The following CTNND2 variants were observed in gnomAD, a reference collection of about 807,000 sequenced individuals.
The protein encoded by CTNND2 is catenin delta 2.
In CTNND2, 22 loss-of-function variants were observed where a neutral mutation model predicts 144.4. That is an observed-to-expected ratio of 0.15 (90% CI 0.11 to 0.22). The LOEUF is 0.22. Among genes scored for constraint, CTNND2 ranks in the 10% least tolerant of loss-of-function variants. CTNND2 has a pLI of 1.00. For synonymous variants in CTNND2, 751 were observed against 695.6 expected (o/e 1.08, Z -1.25); for missense variants, 1,353 against 1,618.8 (o/e 0.84, Z 2.82).
At chr5:11,891,318 C>A (rs945355335) in intron 1 of CTNND2, among the ~76,000 whole-genome samples, 2 of 152,140 alleles carry the variant, frequency 1.3e-5, no homozygotes, top group Non-Finnish European at 2.9e-5. Context: ...TTCATATTAT[C>A]CATCAGGAAT....
At chr5:11,405,131 G>A (rs1027836697) in intron 5 of CTNND2, among the ~76,000 whole-genome samples, 2 of 152,010 alleles carry the variant, frequency 1.3e-5, no homozygotes, top group Middle Eastern at 3.2e-3. Context: ...TTTGTGTTCC[G>A]GGAATCTACA....
intron 12 of CTNND2, among the ~76,000 whole-genome samples, chr5:11,124,440 T>C (rs1754459448): frequency 6.6e-6 from 1 of 152,140 alleles, no homozygotes; most frequent in Non-Finnish European, 1.5e-5. Flanking sequence ...ATCATACTTT[T>C]CTCGATTCCA....
chr5:11,628,032 T>G (rs1013682827), intron 2 of CTNND2, among the ~76,000 whole-genome samples: 1 of 151,992 alleles, frequency 6.6e-6, no homozygotes, highest in Non-Finnish European at 1.5e-5. Context: ...TGCGGCCAGG[T>G]ACCTAACAGG....
At chr5:11,555,705 A>T (rs1776174701) in intron 3 of CTNND2, among the ~76,000 whole-genome samples, 1 of 107,562 alleles carries the variant, frequency 9.3e-6, no homozygotes, top group African/African-American at 3.0e-5. Flanking sequence ...GGTTAGAATT[A>T]AAATAAAAAA....
In CTNND2 at chr5:11,223,582, T is replaced by C. The variant is rs55889077; in HGVS notation, c.1761+13109A>G. On this transcript the variant is annotated intron_variant, in intron 10 of 21. Transcript: ENST00000304623. Reference sequence around the variant, plus strand: ...GCCCCTAGAGAGATTAGCTCTTCTATCAAGAGCTGGGCCCTTGAACTTGGT... The same window carrying C: ...GCCCCTAGAGAGATTAGCTCTTCTACCAAGAGCTGGGCCCTTGAACTTGGT... Among the ~76,000 whole-genome samples the C allele has an allele frequency of 3.2e-3, 482 of 152,312 alleles. 4 individuals carry two copies. Among genetic ancestry groups the C allele is most frequent in the African/African-American group, 0.011 (468 of 41,556 alleles).
At chr5:11,806,388 T>C (rs1190341910) in intron 1 of CTNND2, among the ~76,000 whole-genome samples, 2 of 152,154 alleles carry the variant, frequency 1.3e-5, no homozygotes, top group Non-Finnish European at 2.9e-5. Context: ...ATAAAATCAA[T>C]AGTAACTAAC....
intron 9 of CTNND2, among the ~76,000 whole-genome samples, chr5:11,343,309 T>C (rs1223022716): frequency 1.3e-5 from 2 of 152,198 alleles, no homozygotes; most frequent in African/African-American, 4.8e-5. Context: ...AGTATTTGCT[T>C]AAACACTTCT....
intron 11 of CTNND2, among the ~76,000 whole-genome samples, chr5:11,196,250 T>C (rs538256628): frequency 6.6e-6 from 1 of 152,358 alleles, no homozygotes; most frequent in South Asian, 2.1e-4. Context: ...AACTGTGCTT[T>C]AGTTTTTTAA....
At chr5:11,714,237 G>A (rs1394200115) in intron 2 of CTNND2, among the ~76,000 whole-genome samples, 3 of 152,144 alleles carry the variant, frequency 2.0e-5, no homozygotes, top group South Asian at 4.2e-4. Context: ...GACTGGAGTC[G>A]GCCTTCCAGA....
chr5:11,535,923 C>T (rs1282012047), intron 3 of CTNND2, among the ~76,000 whole-genome samples: 3 of 152,190 alleles, frequency 2.0e-5, no homozygotes, highest in Non-Finnish European at 4.4e-5. Context: ...CAGAACTTTC[C>T]TCATCTGTAA....
chr5:11,525,470 G>T (rs150188597), intron 3 of CTNND2, among the ~76,000 whole-genome samples: 91 of 152,008 alleles, frequency 6.0e-4, no homozygotes, highest in African/African-American at 2.1e-3. Flanking sequence ...TAAACATTTT[G>T]ATTCAGATCT....
chr5:11,616,282 G>A (rs1466691500), intron 2 of CTNND2, among the ~76,000 whole-genome samples: 5 of 152,026 alleles, frequency 3.3e-5, no homozygotes, highest in Admixed American at 2.6e-4. Flanking sequence ...CTATGACTTT[G>A]TCAAGCACCT....
chr5:11,319,142 A>C (rs577719608), intron 9 of CTNND2, among the ~76,000 whole-genome samples: 199 of 151,928 alleles, frequency 1.3e-3, no homozygotes, highest in Middle Eastern at 3.4e-3. Flanking sequence ...CTCATTCCCA[A>C]TCTCCTTACC....
chr5:10,984,442 C>T (rs1293011055), intron 20 of CTNND2, among the ~76,000 whole-genome samples: 1 of 152,214 alleles, frequency 6.6e-6, no homozygotes, highest in Non-Finnish European at 1.5e-5. Flanking sequence ...AGAACGTTTG[C>T]ACTATTGCAG....
chr5:11,103,990 C>T (rs528084836), intron 14 of CTNND2, among the ~76,000 whole-genome samples: 3 of 152,324 alleles, frequency 2.0e-5, no homozygotes, highest in African/African-American at 7.2e-5. Context: ...CTAAAATACA[C>T]AGCTCCTCTT....
At chr5:11,821,259 A>T (rs1793290846) in intron 1 of CTNND2, among the ~76,000 whole-genome samples, 1 of 152,206 alleles carries the variant, frequency 6.6e-6, no homozygotes, top group African/African-American at 2.4e-5. Context: ...AAATACTGAG[A>T]TCTAGCTGAT....
intron 12 of CTNND2, among the ~76,000 whole-genome samples, chr5:11,126,311 G>A (rs1431771240): frequency 1.3e-5 from 2 of 151,974 alleles, no homozygotes; most frequent in Admixed American, 1.3e-4. Flanking sequence ...CAAAAAAAAA[G>A]AAAATAGATC....
intron 8 of CTNND2, among the ~76,000 whole-genome samples, chr5:11,352,392 C>T (rs1580989405): frequency 6.6e-6 from 1 of 152,188 alleles, no homozygotes; most frequent in Admixed American, 6.5e-5. Context: ...TTGTTATAAC[C>T]TTGAAAAAAT....
intron 2 of CTNND2, among the ~76,000 whole-genome samples, chr5:11,636,937 T>C (rs950969340): frequency 2.6e-5 from 4 of 152,046 alleles, no homozygotes; most frequent in Non-Finnish European, 5.9e-5. Context: ...AGTTCCAAGG[T>C]GCAGGTGGAT....
Sources: gnomAD v4.1 joint callset for allele counts (sites outside exome capture counted in the v4.1 genomes callset) on GRCh38, gnomAD v4.1.1 for gene constraint, MANE v1.5 for transcripts, NCBI Gene and HGNC (gene_info 2026-07-23, HGNC 2026-07-21) for gene names.